The following SH3TC1 variants were observed in gnomAD, a reference collection of about 807,000 sequenced individuals.
SH3TC1 encodes SH3 domain and tetratricopeptide repeats 1.
Under a neutral mutation model 117.3 loss-of-function variants are expected in SH3TC1, and 135 were observed. That is an observed-to-expected ratio of 1.15 (90% CI 1.00 to 1.33). The LOEUF (loss-of-function observed/expected upper bound fraction) is 1.33. Among genes scored for constraint, SH3TC1 ranks in the 40% most tolerant of loss-of-function variants. The pLI, the probability that SH3TC1 is intolerant of heterozygous loss-of-function variation, is 0.00. For synonymous variants in SH3TC1, 898 were observed against 816.9 expected, an observed-to-expected ratio of 1.10 and a Z score of -1.69; for missense variants, 2,092 against 1,794.3, an observed-to-expected ratio of 1.17 and a Z score of -3.00.
intron 12 of SH3TC1, chr4:8,231,557 C>T (rs536019318): frequency 2.3e-4 from 41 of 174,770 alleles, no homozygotes; most frequent in African/African-American, 6.4e-4. Context: ...TGCCAGGGGC[C>T]GGCTTTGAGC....
chr4:8,199,164 T>G (rs1290605639), upstream of SH3TC1: 4 of 152,238 alleles, frequency 2.6e-5, no homozygotes, highest in Non-Finnish European at 1.5e-5. Context: ...CTGCGGTGTC[T>G]GTGCAGCCGC....
chr4:8,237,753 C>A, intron 17 of SH3TC1, 83 bp downstream of exon 17: 1 of 1,411,624 alleles, frequency 7.1e-7, no homozygotes, highest in East Asian at 2.5e-5. Flanking sequence ...GCATGTGTTC[C>A]AGCCTTCCTT....
intron 1 of SH3TC1, among the ~76,000 whole-genome samples, chr4:8,185,354 C>A (rs762670470): frequency 6.6e-6 from 1 of 151,818 alleles, no homozygotes; most frequent in African/African-American, 2.4e-5. Flanking sequence ...ACAAAAAAAG[C>A]GCACACATTA....
intron 14 of SH3TC1, among the ~76,000 whole-genome samples, chr4:8,234,793 G>A (rs1721657488): frequency 6.6e-6 from 1 of 152,232 alleles, no homozygotes; most frequent in South Asian, 2.1e-4. Context: ...CTGGTATACA[G>A]CACATGCTCA....
chr4:8,231,693 G>A (rs1458141994), intron 12 of SH3TC1: 1 of 461,682 alleles, frequency 2.2e-6, no homozygotes, highest in East Asian at 3.5e-5. Flanking sequence ...AGGCGGCCCT[G>A]GTCCTGGCCA....
Position 8,225,951 on chromosome 4 carries a change from G to C in SH3TC1, c.1285+735G>C, listed in dbSNP as rs1720422359. Among the ~76,000 whole-genome samples the C allele has an allele frequency of 1.3e-5, 2 of 152,132 alleles. No individual in the cohort carries two copies. On this transcript the variant is annotated intron_variant, in intron 11 of 17. Coordinates refer to ENST00000245105, the MANE Select transcript of SH3TC1 (RefSeq NM_018986.5). The surrounding 1 kb of genome is among the most constrained non-coding windows in gnomAD (Gnocchi z 5.5). ...GCGAGTGACTCCAGCTGCCCCCAAG[G>C]CCAGGGTAATAGCTGGGAGGGGCTG...
Position 8,218,267 on chromosome 4 carries a change from C to T in SH3TC1, c.840-4C>T. The T allele has an allele frequency of 6.2e-7, 1 of 1,609,676 alleles. No homozygotes were observed. The highest frequency in any genetic ancestry group is 1.1e-5 in the South Asian group (1 of 90,744). Reference sequence around the variant, plus strand: ...CAGCAAAGACCTCCCTCTTCCGGCTCCAGGTGGGCTCTTAGGATCCCCCAG... The same window carrying T: ...CAGCAAAGACCTCCCTCTTCCGGCTTCAGGTGGGCTCTTAGGATCCCCCAG... On this transcript the variant is annotated splice_region_variant and splice_polypyrimidine_tract_variant and intron_variant, in intron 7 of 17. Coordinates refer to ENST00000245105, the MANE Select transcript of SH3TC1 (RefSeq NM_018986.5).
chr4:8,238,453 A>G (rs1477418618), intron 17 of SH3TC1, among the ~76,000 whole-genome samples: 1 of 152,048 alleles, frequency 6.6e-6, no homozygotes, highest in Non-Finnish European at 1.5e-5. Context: ...TCAGCATCAC[A>G]CTGGCACTGC....
intron 1 of SH3TC1, among the ~76,000 whole-genome samples, chr4:8,182,928 C>A (rs1463146361): frequency 6.6e-6 from 1 of 152,178 alleles, no homozygotes; most frequent in African/African-American, 2.4e-5. Flanking sequence ...GATGAGACCG[C>A]CTTCTCTCAG....
In SH3TC1 at chr4:8,192,407, T is replaced by C. The variant is rs1192013568; in HGVS notation, c.-57+10197T>C. ...CCCTCAGTCTCCCCATTTGTAAGCC[T>C]GAAGGTTGTAAATTACAATCTTCTT... On this transcript the variant is annotated intron_variant, in intron 1 of 16. Transcript: ENST00000508641. This position sits in a 1 kb window ranked among gnomAD's most constrained non-coding sequence, Gnocchi z 4.1. 6.6e-6 allele frequency among the ~76,000 whole-genome samples: 1 copy of C among 152,152 alleles called. No homozygotes were observed. Among genetic ancestry groups the C allele is most frequent in the African/African-American group, 2.4e-5 (1 of 41,432 alleles).
upstream of SH3TC1, among the ~76,000 whole-genome samples, chr4:8,194,558 C>T (rs1717504219): frequency 6.6e-6 from 1 of 152,154 alleles, no homozygotes; most frequent in Admixed American, 6.6e-5. Flanking sequence ...CTCTAACATA[C>T]CTGTTCAGCA....
At position 8,232,182 on chromosome 4, in the gene SH3TC1, G is replaced by GGGCGGGGGGAGGGGGCAAAGGGGGC; in HGVS notation, c.3131+34_3131+58dup. The GGGCGGGGGGAGGGGGCAAAGGGGGC allele has an allele frequency of 1.4e-5, 9 of 636,072 alleles. 1 individual carries two copies. In the South Asian group the frequency reaches 1.6e-4, roughly 11 times the overall value. The allele number at this position is 636,072 out of a possible 1,614,324, so 39.4% of individuals were successfully genotyped here. A position where few individuals can be genotyped will look rare whatever the true frequency, so the allele number is the denominator to read the frequency against. On this transcript the variant is annotated intron_variant, in intron 13 of 17. Transcript: ENST00000245105. ...GTGAGGGCTGGCTCTGTGGTGGTGGGGGCGGGGGGAGGGGGCAAAGGGGGC... is the reference window on the plus strand; with the variant it reads ...GTGAGGGCTGGCTCTGTGGTGGTGGGGGCGGGGGGAGGGGGCAAAGGGGGCGGCGGGGGGAGGGGGCAAAGGGGGC...
chr4:8,185,517 G>A (rs554280040), intron 1 of SH3TC1, among the ~76,000 whole-genome samples: 5 of 151,946 alleles, frequency 3.3e-5, no homozygotes, highest in African/African-American at 9.7e-5. Flanking sequence ...ATCCTCCTGC[G>A]GTTTCTTTTC....
intron 1 of SH3TC1, among the ~76,000 whole-genome samples, chr4:8,188,016 C>T (rs752964638): frequency 4.6e-5 from 7 of 152,182 alleles, no homozygotes; most frequent in Non-Finnish European, 8.8e-5. Flanking sequence ...AACTATTGGT[C>T]GGTTGATGGA....
At chr4:8,223,725 C>G (rs57281392) in intron 10 of SH3TC1, among the ~76,000 whole-genome samples, 1 of 151,760 alleles carries the variant, frequency 6.6e-6, no homozygotes, top group African/African-American at 2.4e-5. Context: ...CTCTGCCTCC[C>G]GGGTTCAAGC....
Position 8,241,082 on chromosome 4 carries a change from T to A in SH3TC1, c.*127T>A. 2 of 1,333,094 alleles carry A rather than the reference T, an allele frequency of 1.5e-6. No homozygotes were observed. The highest frequency in any genetic ancestry group is 2.5e-5 in the East Asian group (1 of 40,210). 82.6% of individuals were successfully genotyped at this position (1,333,094 alleles called of 1,614,324 possible). On this transcript the variant is annotated 3_prime_UTR_variant, in exon 18 of 18. Transcript: ENST00000245105. Reference sequence around the variant, plus strand: ...CAGGGGCCAAATAGCAATAAATGGGTTTTGTTTTTTTTTTGCAATAACTTA... The same window carrying A: ...CAGGGGCCAAATAGCAATAAATGGGATTTGTTTTTTTTTTGCAATAACTTA...
intron 1 of SH3TC1, among the ~76,000 whole-genome samples, chr4:8,184,807 A>G (rs1016915215): frequency 6.6e-6 from 1 of 151,976 alleles, no homozygotes; most frequent in Non-Finnish European, 1.5e-5. Context: ...TGATACAGTT[A>G]TTAATTGTTT....
rs1718557709 is a variant in SH3TC1, at chr4:8,210,392, T to G, written c.247+570T>G. On this transcript the variant is annotated intron_variant, in intron 3 of 17. Coordinates refer to ENST00000245105, the MANE Select transcript of SH3TC1 (RefSeq NM_018986.5). This position sits in a 1 kb window ranked among gnomAD's most constrained non-coding sequence, Gnocchi z 4.1. ...CCTTGGCGGTGATGCCCGACTGTCC[T>G]TTGACTTTCCTTTTGTGTGGTCAGC... Among the ~76,000 whole-genome samples the G allele has an allele frequency of 2.0e-5, 3 of 152,248 alleles. No homozygotes were observed. Among genetic ancestry groups the G allele is most frequent in the Non-Finnish European group, 1.5e-5 (1 of 68,038 alleles).
intron 1 of SH3TC1, among the ~76,000 whole-genome samples, chr4:8,204,281 A>C (rs1469484937): frequency 6.6e-6 from 1 of 152,184 alleles, no homozygotes; most frequent in East Asian, 1.9e-4. Context: ...GATGGGAGGC[A>C]GGAGCTGCGG....
Sources: gnomAD v4.1 joint callset for allele counts (sites outside exome capture counted in the v4.1 genomes callset) on GRCh38, gnomAD v4.1.1 for gene constraint, Gnocchi (gnomAD v3.1) non-coding constraint, MANE v1.5 for transcripts, NCBI Gene and HGNC (gene_info 2026-07-23, HGNC 2026-07-21) for gene names.